C13orf42: variants seen among roughly 807,000 people sequenced by gnomAD.
The protein encoded by C13orf42 is uncharacterized protein C13orf42.
chr13:51,097,245 G>C (rs1953243957), intron 1 of C13orf42, among the ~76,000 whole-genome samples: 2 of 152,132 alleles, frequency 1.3e-5, no homozygotes, highest in Admixed American at 1.3e-4. Context: ...ATGTCATTTT[G>C]TATTTTGCCT....
intron 1 of C13orf42, among the ~76,000 whole-genome samples, chr13:51,128,562 C>T (rs973574519): frequency 5.3e-5 from 8 of 152,174 alleles, no homozygotes; most frequent in Admixed American, 1.3e-4. Context: ...AAGGCAAGGA[C>T]GCTTGACTGA....
chr13:51,109,321 C>T (rs981921862), intron 1 of C13orf42, among the ~76,000 whole-genome samples: 2 of 152,184 alleles, frequency 1.3e-5, no homozygotes, highest in Non-Finnish European at 2.9e-5. Context: ...GGAGTTTGCA[C>T]GGCCTACAGG....
chr13:51,159,929 G>C (rs1415194431), intron 1 of C13orf42, among the ~76,000 whole-genome samples: 7 of 152,298 alleles, frequency 4.6e-5, no homozygotes, highest in Admixed American at 2.6e-4. Context: ...GAGGGTGAAA[G>C]ATACTTCTTA....
At chr13:51,123,889 A>C (rs924165489) in intron 1 of C13orf42, among the ~76,000 whole-genome samples, 1 of 152,196 alleles carries the variant, frequency 6.6e-6, no homozygotes, top group Non-Finnish European at 1.5e-5. Flanking sequence ...TTCGGAAGGA[A>C]TTTAGTTTAT....
At chr13:51,136,886 AGCAAG>A (rs1262105282) in intron 1 of C13orf42, among the ~76,000 whole-genome samples, 5 of 152,230 alleles carry the variant, frequency 3.3e-5, no homozygotes, top group Non-Finnish European at 7.3e-5. Context: ...TATAGCTGTG[AGCAAG>A]GCTGTGGCCC....
chr13:51,149,727 C>T (rs542629169), intron 1 of C13orf42, among the ~76,000 whole-genome samples: 6 of 152,220 alleles, frequency 3.9e-5, no homozygotes, highest in South Asian at 2.1e-4. Context: ...TTGCTCAGTT[C>T]GGGAAACAGT....
chr13:51,157,356 C>T lies in C13orf42; in HGVS notation n.136+14897G>A, dbSNP rs4942964. On this transcript the variant is annotated intron_variant and non_coding_transcript_variant, in intron 1 of 4. Transcript: ENST00000433280. ...AGCTGAGGCAGAAGAATCACCTGAA[C>T]CCAGGAGGTGGAGGTTGCAGTGAGC... Among the ~76,000 whole-genome samples, 752 of 152,306 alleles carry T rather than the reference C, an allele frequency of 4.9e-3. 6 individuals carry two copies. Among genetic ancestry groups the T allele is most frequent in the South Asian group, 0.02 (98 of 4,832 alleles).
In C13orf42 at chr13:51,152,201, A is replaced by G. The variant is rs370720528; in HGVS notation, n.136+20052T>C. Among the ~76,000 whole-genome samples the G allele has an allele frequency of 1.5e-4, 23 of 152,346 alleles. No individual in the cohort carries two copies. The South Asian group carries it at 3.9e-3, about 26-fold the overall frequency. ...AGAACATTCCTACTGCTATGTGACC[A>G]TGCTTAGAACGGTGCACTCCAGCTC... is the stretch of plus-strand genomic sequence containing the variant. On this transcript the variant is annotated intron_variant and non_coding_transcript_variant, in intron 1 of 4. Coordinates refer to the C13orf42 transcript ENST00000433280.
At chr13:51,130,182 TA>T (rs1354434128) in intron 1 of C13orf42, among the ~76,000 whole-genome samples, 1 of 152,244 alleles carries the variant, frequency 6.6e-6, no homozygotes, top group Non-Finnish European at 1.5e-5. Context: ...AAAACAGCCT[TA>T]AAGATTATTG....
intron 1 of C13orf42, among the ~76,000 whole-genome samples, chr13:51,092,651 T>C (rs1397010167): frequency 6.6e-6 from 1 of 152,036 alleles, no homozygotes. Context: ...CATTCATATA[T>C]TATCATATTT....
intron 1 of C13orf42, among the ~76,000 whole-genome samples, chr13:51,116,736 T>C (rs934875475): frequency 2.6e-5 from 4 of 152,264 alleles, no homozygotes; most frequent in East Asian, 1.9e-4. Context: ...AAAATAATGA[T>C]CATTATATTT....
intron 1 of C13orf42, among the ~76,000 whole-genome samples, chr13:51,144,409 A>G (rs1305258216): frequency 6.6e-6 from 1 of 152,224 alleles, no homozygotes; most frequent in Non-Finnish European, 1.5e-5. Context: ...TTTAGAGCAT[A>G]TTTGTTTCTC....
At chr13:51,164,913 C>A (rs148131433) in intron 1 of C13orf42, among the ~76,000 whole-genome samples, 2 of 152,132 alleles carry the variant, frequency 1.3e-5, no homozygotes, top group Non-Finnish European at 2.9e-5. Context: ...GCTTTACATA[C>A]GCTGACTTGG....
At chr13:51,148,152 T>C (rs1265906277) in intron 1 of C13orf42, among the ~76,000 whole-genome samples, 1 of 152,196 alleles carries the variant, frequency 6.6e-6, no homozygotes, top group Non-Finnish European at 1.5e-5. Flanking sequence ...ATTGGACCCC[T>C]ATGATTACTT....
At chr13:51,149,842 CAG>C (rs1490845950) in intron 1 of C13orf42, among the ~76,000 whole-genome samples, 1 of 152,140 alleles carries the variant, frequency 6.6e-6, no homozygotes, top group Non-Finnish European at 1.5e-5. Context: ...CGTTTTTAGG[CAG>C]AGTTGAGATG....
rs141560636 is a variant in C13orf42 at position 51,150,617 on chromosome 13, T to C, written n.136+21636A>G. Reference sequence around the variant, plus strand: ...CTGGCTGTATAACAGAACCTCTTTCTTTCCAGAAAGCAGCTTTGGCCATCC... The same window carrying C: ...CTGGCTGTATAACAGAACCTCTTTCCTTCCAGAAAGCAGCTTTGGCCATCC... On this transcript the variant is annotated intron_variant and non_coding_transcript_variant, in intron 1 of 4. Coordinates refer to the C13orf42 transcript ENST00000433280. Among the ~76,000 whole-genome samples, 92 of 152,364 alleles carry C rather than the reference T, an allele frequency of 6.0e-4. No individual in the cohort carries two copies. In the Middle Eastern group the frequency reaches 0.017, roughly 28 times the overall value.
intron 1 of C13orf42, among the ~76,000 whole-genome samples, chr13:51,093,155 T>C (rs1033725640): frequency 2.0e-5 from 3 of 152,190 alleles, no homozygotes; most frequent in Non-Finnish European, 4.4e-5. Context: ...CCAAACAAGG[T>C]CCACATTTAG....
At chr13:51,130,561 A>G (rs1953608425) in intron 1 of C13orf42, among the ~76,000 whole-genome samples, 1 of 152,210 alleles carries the variant, frequency 6.6e-6, no homozygotes, top group Non-Finnish European at 1.5e-5. Context: ...TGTACAATTT[A>G]AAGGTGATTA....
chr13:51,132,024 C>T (rs1351196166), intron 1 of C13orf42, among the ~76,000 whole-genome samples: 1 of 152,228 alleles, frequency 6.6e-6, no homozygotes, highest in Non-Finnish European at 1.5e-5. Flanking sequence ...CTAGCAACCC[C>T]ATATCAGCTT....
Sources: gnomAD v4.1 joint callset for allele counts (sites outside exome capture counted in the v4.1 genomes callset) on GRCh38, gnomAD v4.1.1 for gene constraint, MANE v1.5 for transcripts, NCBI Gene and HGNC (gene_info 2026-07-23, HGNC 2026-07-21) for gene names.